TECRL: variants seen among roughly 807,000 people sequenced by gnomAD.
TECRL encodes the protein trans-2,3-enoyl-CoA reductase-like.
TECRL carries 63 observed loss-of-function variants against 52.8 expected under a neutral mutation model. The ratio of observed to expected loss-of-function variants is 1.19; its 90% confidence interval spans 0.97 to 1.47. TECRL has a LOEUF of 1.47. Ranked by LOEUF, TECRL falls within the 40% of genes most tolerant of loss-of-function variation. TECRL has a pLI of 0.00. For missense variants in TECRL, 482 were observed against 429.6 expected (o/e 1.12, Z -1.08); for synonymous variants, 164 against 141.9 (o/e 1.16, Z -1.10).
intron 4 of TECRL, among the ~76,000 whole-genome samples, chr4:64,319,375 C>T (rs1004288644): frequency 6.6e-6 from 1 of 151,696 alleles, no homozygotes; most frequent in Non-Finnish European, 1.5e-5. Flanking sequence ...GAGAGAACTC[C>T]AGGACCTACA....
At chr4:64,342,433 A>ATGTGTGTGTG (rs144001005) in intron 2 of TECRL, among the ~76,000 whole-genome samples, 6 of 149,986 alleles carry the variant, frequency 4.0e-5, no homozygotes, top group African/African-American at 9.8e-5. Flanking sequence ...ATATATATAT[A>ATGTGTGTGTG]TGTGTGTGTG....
intron 1 of TECRL, among the ~76,000 whole-genome samples, chr4:64,397,083 G>A (rs1359751528): frequency 4.6e-5 from 7 of 152,050 alleles, no homozygotes; most frequent in Non-Finnish European, 5.9e-5. Context: ...TATCTATTTT[G>A]TTTGAACTCT....
intron 1 of TECRL, among the ~76,000 whole-genome samples, chr4:64,399,187 A>C (rs917989153): frequency 6.6e-6 from 1 of 152,140 alleles, no homozygotes; most frequent in African/African-American, 2.4e-5. Context: ...AGAACCCACG[A>C]GTGTATTCTC....
chr4:64,333,915 T>C (rs1366556841), intron 2 of TECRL, among the ~76,000 whole-genome samples: 1 of 139,392 alleles, frequency 7.2e-6, no homozygotes, highest in African/African-American at 2.8e-5. Flanking sequence ...TCCCAGCTAC[T>C]CGGGAGGCTG....
At chr4:64,355,880 T>C (rs957441028) in intron 2 of TECRL, among the ~76,000 whole-genome samples, 2 of 151,886 alleles carry the variant, frequency 1.3e-5, no homozygotes, top group African/African-American at 4.8e-5. Flanking sequence ...AAAACAATTG[T>C]AGGGAAAAGA....
intron 1 of TECRL, 129 bp downstream of exon 1, chr4:64,408,979 GTTCACCACAA>G: frequency 1.4e-6 from 1 of 731,614 alleles, no homozygotes; most frequent in Non-Finnish European, 2.2e-6. Context: ...TATGCATCCT[GTTCACCACAA>G]AATTAAGGTA....
chr4:64,307,239 C>A (rs1485483710), intron 6 of TECRL, among the ~76,000 whole-genome samples: 1 of 152,052 alleles, frequency 6.6e-6, no homozygotes, highest in Non-Finnish European at 1.5e-5. Flanking sequence ...TTTCTTGCCC[C>A]AGTTCAATTA....
intron 8 of TECRL, among the ~76,000 whole-genome samples, chr4:64,298,609 T>G (rs1192468273): frequency 6.6e-6 from 1 of 151,124 alleles, no homozygotes. Flanking sequence ...AATACATACA[T>G]AGCCATATTA....
intron 8 of TECRL, among the ~76,000 whole-genome samples, chr4:64,291,518 C>T (rs1287683495): frequency 2.0e-5 from 3 of 151,680 alleles, no homozygotes; most frequent in African/African-American, 7.3e-5. Flanking sequence ...AAGTTGTTAC[C>T]AAAATTTGTG....
chr4:64,300,024 A>G lies in TECRL; in HGVS notation c.731-7T>C. 6.4e-7 allele frequency: 1 copy of G among 1,569,110 alleles called. No homozygotes were observed. The highest frequency in any genetic ancestry group is 8.7e-7 in the Non-Finnish European group (1 of 1,153,888). On this transcript the variant is annotated splice_polypyrimidine_tract_variant and splice_region_variant and intron_variant, in intron 7 of 11. Coordinates refer to ENST00000381210, the MANE Select transcript of TECRL (RefSeq NM_001010874.5). ...ATTTGCCTGTTTCCAAATGCTGGAG[A>G]GTAGAAAAAGAATATGTCATGCAGA...
chr4:64,347,808 G>T (rs984228287), intron 2 of TECRL, among the ~76,000 whole-genome samples: 4 of 152,078 alleles, frequency 2.6e-5, no homozygotes, highest in Non-Finnish European at 4.4e-5. Context: ...TGAGGTTTGG[G>T]TTGGGACACA....
intron 8 of TECRL, among the ~76,000 whole-genome samples, chr4:64,295,025 CTG>C (rs1401134723): frequency 6.6e-6 from 1 of 151,734 alleles, no homozygotes; most frequent in African/African-American, 2.4e-5. Flanking sequence ...ATTTATATTA[CTG>C]TGTTCATAAA....
chr4:64,339,987 A>G (rs541342299), intron 2 of TECRL, among the ~76,000 whole-genome samples: 1 of 152,140 alleles, frequency 6.6e-6, no homozygotes, highest in Non-Finnish European at 1.5e-5. Context: ...TGGTCTCACT[A>G]TGAGCAACCG....
chr4:64,352,380 A>G (rs1047956199), intron 2 of TECRL, among the ~76,000 whole-genome samples: 10 of 152,144 alleles, frequency 6.6e-5, no homozygotes, highest in Non-Finnish European at 1.2e-4. Context: ...AGAGGAATAG[A>G]TAGATAGATA....
At chr4:64,338,735 A>G (rs1295597093) in intron 2 of TECRL, among the ~76,000 whole-genome samples, 1 of 152,238 alleles carries the variant, frequency 6.6e-6, no homozygotes, top group Non-Finnish European at 1.5e-5. Context: ...ACAATGAAAT[A>G]TCATCTCACA....
intron 4 of TECRL, among the ~76,000 whole-genome samples, chr4:64,317,156 G>T (rs1176985710): frequency 6.6e-6 from 1 of 151,792 alleles, no homozygotes; most frequent in Non-Finnish European, 1.5e-5. Flanking sequence ...CAGGTGCCTG[G>T]AATCCCAGCT....
At chr4:64,295,747 A>G (rs576227095) in intron 8 of TECRL, among the ~76,000 whole-genome samples, 1 of 151,992 alleles carries the variant, frequency 6.6e-6, no homozygotes, top group African/African-American at 2.4e-5. Flanking sequence ...TTTTGATTTA[A>G]ATCATTACTC....
At chr4:64,390,869 T>C (rs1348269795) in intron 1 of TECRL, among the ~76,000 whole-genome samples, 1 of 151,784 alleles carries the variant, frequency 6.6e-6, no homozygotes, top group Non-Finnish European at 1.5e-5. Flanking sequence ...TTTTAAAATA[T>C]GACAAATATG....
At chr4:64,376,677 T>C (rs10517894) in intron 1 of TECRL, among the ~76,000 whole-genome samples, 135,941 of 151,868 alleles carry the variant, frequency 0.9, 61,562 homozygotes, top group East Asian at 1. Flanking sequence ...GTCCATTAGT[T>C]GTATCAAGGG....
Sources: gnomAD v4.1 joint callset for allele counts (sites outside exome capture counted in the v4.1 genomes callset) on GRCh38, gnomAD v4.1.1 for gene constraint, MANE v1.5 for transcripts, NCBI Gene and HGNC (gene_info 2026-07-23, HGNC 2026-07-21) for gene names.